The following HNRNPUL2 variants were observed in gnomAD, a reference collection of about 807,000 sequenced individuals.
HNRNPUL2 encodes the protein heterogeneous nuclear ribonucleoprotein U-like protein 2.
In HNRNPUL2, 27 loss-of-function variants were observed where a neutral mutation model predicts 102.2. The ratio of observed to expected loss-of-function variants is 0.26; its 90% CI spans 0.19 to 0.36. HNRNPUL2 has a LOEUF of 0.36. HNRNPUL2 is among the 10% of genes least tolerant of loss of function. The probability of loss-of-function intolerance (pLI) is 1.00; values close to 1 mark genes in which losing one functional copy is unlikely to be tolerated. For synonymous variants in HNRNPUL2, 458 were observed against 387.2 expected (o/e 1.18, Z -2.15); for missense variants, 936 against 981.1 (o/e 0.95, Z 0.61).
At chr11:62,720,217 T>C in intron 9 of HNRNPUL2, 26 bp from the exon 10 acceptor site, 1 of 1,606,396 alleles carries the variant, frequency 6.2e-7, no homozygotes, top group Non-Finnish European at 8.5e-7. Flanking sequence ...ATAACTGATG[T>C]TTAGGAAGAA....
chr11:62,718,394 C>T (rs1189736441), intron 10 of HNRNPUL2, among the ~76,000 whole-genome samples: 2 of 152,100 alleles, frequency 1.3e-5, no homozygotes, highest in African/African-American at 4.8e-5. Context: ...ATATTTTAAT[C>T]TGAACCATAA....
chr11:62,724,111 CT>C, intron 2 of HNRNPUL2, 121 bp from the exon 3 acceptor site: 3 of 1,184,604 alleles, frequency 2.5e-6, no homozygotes, highest in East Asian at 2.4e-5. Flanking sequence ...CAGCAGACAG[CT>C]TTTTCCAATA....
At position 62,722,218 on chromosome 11, in the gene HNRNPUL2, G is replaced by C; in HGVS notation, c.1258C>G (p.Pro420Ala). 2 of 1,614,084 alleles carry C rather than the reference G, an allele frequency of 1.2e-6. No individual in the cohort carries two copies. Among genetic ancestry groups the C allele is most frequent in the South Asian group, 2.2e-5 (2 of 91,072 alleles). Residue 420 changes from proline to alanine, a missense_variant, in exon 7 of 14, where the codon CCC becomes GCC. Physicochemically the swap from Pro to Ala is conservative, Grantham distance 27. Around this residue, in one of 2 missense-constraint regions of HNRNPUL2, gnomAD observed 609 missense variants for 713.0 expected, o/e 0.85. Transcript: ENST00000301785. ...VELNFGQKEE[P>A]FFPPPEEFVF... ...AACTCTTCTGGTGGTGGGAAGAAGG[G>C]CTCCTCCTTCTGACCGAAGTTTAAT...
chr11:62,726,976 G>C lies in HNRNPUL2; in HGVS notation c.181C>G (p.Pro61Ala). 1 of 1,404,132 alleles carries C rather than the reference G, an allele frequency of 7.1e-7. No individual in the cohort carries two copies. The highest frequency in any genetic ancestry group is 9.2e-7 in the Non-Finnish European group (1 of 1,082,350). 87.0% of individuals were successfully genotyped at this position (1,404,132 alleles called of 1,614,324 possible). ...AGPGGACKAEPRPVAASGGGP... is the reference protein window; with the variant it reads ...AGPGGACKAEARPVAASGGGP... ...CCGCCCGACGCGGCCACAGGCCGAG[G>C]CTCCGCCTTGCAGGCCCCGCCGGGC... is the stretch of plus-strand genomic sequence containing the variant. Residue 61 changes from proline to alanine, a missense_variant, in exon 1 of 14, where the codon CCT becomes GCT. Physicochemically the swap from Pro to Ala is conservative, Grantham distance 27. Around this residue, in one of 2 missense-constraint regions of HNRNPUL2, gnomAD observed 327 missense variants for 268.1 expected, o/e 1.22. Coordinates refer to ENST00000301785, the MANE Select transcript of HNRNPUL2 (RefSeq NM_001079559.3).
At chr11:62,715,991 A>G (rs1048092774) in intron 11 of HNRNPUL2, 54 bp from the exon 12 acceptor site, 1 of 1,411,394 alleles carries the variant, frequency 7.1e-7, no homozygotes, top group Non-Finnish European at 9.6e-7. Flanking sequence ...TCCTGGCTCC[A>G]CATCTGGGTG....
intron 1 of HNRNPUL2, 138 bp downstream of exon 1, chr11:62,726,481 A>C: frequency 2.4e-6 from 2 of 833,146 alleles, no homozygotes; most frequent in Non-Finnish European, 1.8e-6. Flanking sequence ...AAAGGTGGGT[A>C]GAGAATGAAA....
intron 10 of HNRNPUL2, among the ~76,000 whole-genome samples, chr11:62,718,893 C>G (rs55771131): frequency 6.6e-6 from 1 of 151,620 alleles, no homozygotes; most frequent in Non-Finnish European, 1.5e-5. Context: ...TGGCACAATC[C>G]CAGCTCACCG....
intron 2 of HNRNPUL2, 77 bp downstream of exon 2, chr11:62,724,214 C>G: frequency 6.4e-7 from 1 of 1,563,318 alleles, no homozygotes; most frequent in Non-Finnish European, 8.8e-7. Context: ...ACCCTCCTTC[C>G]AGTCTCTCCA....
chr11:62,717,313 C>CAG, intron 10 of HNRNPUL2, 124 bp from the exon 11 acceptor site: 1 of 699,674 alleles, frequency 1.4e-6, no homozygotes. Context: ...CAAAAATGTG[C>CAG]TACGTTTATA....
chr11:62,723,133 T>G (rs1396610656), intron 4 of HNRNPUL2, among the ~76,000 whole-genome samples: 1 of 152,250 alleles, frequency 6.6e-6, no homozygotes, highest in Non-Finnish European at 1.5e-5. Flanking sequence ...AAAGCCTGAT[T>G]GGACAGAAGT....
rs1049823117 is a variant in HNRNPUL2 at position 62,726,969 on chromosome 11, G to C, written c.188C>G (p.Pro63Arg). ...CGGGCCGCCGCCCGACGCGGCCACA[G>C]GCCGAGGCTCCGCCTTGCAGGCCCC... is the stretch of plus-strand genomic sequence containing the variant. ...PGGACKAEPRPVAASGGGPGG... is the reference protein window; with the variant it reads ...PGGACKAEPRRVAASGGGPGG... Residue 63 changes from proline to arginine, a missense_variant, in exon 1 of 14, where the codon CCT (proline) becomes CGT (arginine). Pro to Arg is a moderately radical substitution (Grantham distance 103). Around this residue, in one of 2 missense-constraint regions of HNRNPUL2, gnomAD observed 327 missense variants for 268.1 expected, o/e 1.22. Coordinates refer to ENST00000301785, the MANE Select transcript of HNRNPUL2 (RefSeq NM_001079559.3). 4.9e-6 allele frequency: 7 copies of C among 1,429,812 alleles called. No homozygotes were observed. The highest frequency in any genetic ancestry group is 1.4e-5 in the South Asian group (1 of 70,116). The allele number at this position is 1,429,812 out of a possible 1,614,324, so 88.6% of individuals were successfully genotyped here.
chr11:62,726,258 T>C (rs920491330), intron 1 of HNRNPUL2, among the ~76,000 whole-genome samples: 15 of 152,206 alleles, frequency 9.9e-5, no homozygotes, highest in African/African-American at 3.6e-4. Context: ...CCTCTAACTG[T>C]GGGCCTAGTT....
intron 8 of HNRNPUL2, among the ~76,000 whole-genome samples, 153 bp from the exon 9 acceptor site, chr11:62,721,576 T>C (rs1590898316): frequency 6.6e-6 from 1 of 152,234 alleles, no homozygotes; most frequent in African/African-American, 2.4e-5. Context: ...ATGTTGTCCA[T>C]TTCCTGCAGT....
rs1208370844 is a variant in HNRNPUL2, at chr11:62,726,611, C to T, written c.538+8G>A. On this transcript the variant is annotated splice_region_variant and intron_variant, in intron 1 of 13. Coordinates refer to ENST00000301785, the MANE Select transcript of HNRNPUL2 (RefSeq NM_001079559.3). Reference sequence around the variant, plus strand: ...GGTTGGAGCCGGGCTCGGCTGCCAGCTCCTCACCCTGTTCCTCGGCGGCCT... The same window carrying T: ...GGTTGGAGCCGGGCTCGGCTGCCAGTTCCTCACCCTGTTCCTCGGCGGCCT... 9.6e-6 allele frequency: 15 copies of T among 1,562,700 alleles called. No individual in the cohort carries two copies. Among genetic ancestry groups the T allele is most frequent in the South Asian group, 2.3e-5 (2 of 85,458 alleles).
intron 12 of HNRNPUL2, 93 bp downstream of exon 12, chr11:62,715,771 C>T (rs2083655661): frequency 1.6e-6 from 2 of 1,274,880 alleles, no homozygotes; most frequent in Admixed American, 3.6e-5. Flanking sequence ...AAACCCTAAG[C>T]CCTAAGAAAA....
At position 62,726,777 on chromosome 11, in the gene HNRNPUL2, G is replaced by A. The variant is rs200377356; in HGVS notation, c.380C>T (p.Ala127Val). 3.1e-4 allele frequency: 503 copies of A among 1,600,754 alleles called. 1 individual carries two copies. The African/African-American group carries it at 5.7e-3, about 18-fold the overall frequency. Reference sequence around the variant, plus strand: ...CGTGGCCTCCGCCGGCTTCTCGGAAGCATCTGGCTCGGCCGCGGCCTCCAT... The same window carrying A: ...CGTGGCCTCCGCCGGCTTCTCGGAAACATCTGGCTCGGCCGCGGCCTCCAT... ...AAMEAAAEPDASEKPAEATAG... is the reference protein window; with the variant it reads ...AAMEAAAEPDVSEKPAEATAG... The change falls in exon 1 of 14, where the codon GCT becomes GTT. Residue 127 changes from alanine to valine, a missense_variant. By Grantham distance (64) the Ala-to-Val change is moderately conservative. Around this residue, in one of 2 missense-constraint regions of HNRNPUL2, gnomAD observed 327 missense variants for 268.1 expected, o/e 1.22. Coordinates refer to ENST00000301785, the MANE Select transcript of HNRNPUL2 (RefSeq NM_001079559.3).
intron 2 of HNRNPUL2, 57 bp from the exon 3 acceptor site, chr11:62,724,047 G>A (rs548667818): frequency 7.8e-6 from 11 of 1,404,396 alleles, no homozygotes; most frequent in East Asian, 4.6e-5. Flanking sequence ...TTCTTTGAGG[G>A]GTGTGTGTGT....
intron 11 of HNRNPUL2, among the ~76,000 whole-genome samples, chr11:62,716,616 TGAA>T (rs2083662186): frequency 6.6e-6 from 1 of 152,102 alleles, no homozygotes; most frequent in South Asian, 2.1e-4. Context: ...GCAAGAAAAC[TGAA>T]GATGAGAATT....
chr11:62,726,952 C>T lies in HNRNPUL2; in HGVS notation c.205G>A (p.Gly69Ser). The T allele has an allele frequency of 2.1e-6, 3 of 1,462,338 alleles. No homozygotes were observed. Among genetic ancestry groups the T allele is most frequent in the Non-Finnish European group, 2.7e-6 (3 of 1,114,926 alleles). 90.6% of individuals were successfully genotyped at this position (1,462,338 alleles called of 1,614,324 possible). ...TCCTCCTCGTCCCCGCCCGGGCCGC[C>T]GCCCGACGCGGCCACAGGCCGAGGC... ...AEPRPVAASGGGPGGDEEEDE... is the reference protein window; with the variant it reads ...AEPRPVAASGSGPGGDEEEDE... The change falls in exon 1 of 14, where the codon GGC (glycine) becomes AGC (serine). Residue 69 changes from glycine (G) to serine (S), a missense_variant. By Grantham distance (56) the Gly-to-Ser change is moderately conservative. This residue lies in a region of HNRNPUL2 where 327 missense variants were observed against 268.1 expected (regional missense o/e 1.22). Coordinates refer to ENST00000301785, the MANE Select transcript of HNRNPUL2 (RefSeq NM_001079559.3).
Sources: gnomAD v4.1 joint callset for allele counts (sites outside exome capture counted in the v4.1 genomes callset) on GRCh38, gnomAD v4.1.1 for gene constraint, gnomAD v4.1.1 regional missense constraint, MANE v1.5 for transcripts, NCBI Gene and HGNC (gene_info 2026-07-23, HGNC 2026-07-21) for gene names.